PIGR: variants seen among roughly 807,000 people sequenced by gnomAD.
PIGR encodes the protein hepatocellular carcinoma associated protein TB6.
PIGR carries 22 observed loss-of-function variants against 69.5 expected under a neutral mutation model. That is an observed-to-expected ratio of 0.32 (90% confidence interval 0.23 to 0.45). PIGR has a LOEUF of 0.45. PIGR is among the 20% of genes least tolerant of loss of function. PIGR has a pLI of 1.00. For synonymous variants in PIGR, 413 were observed against 407.6 expected, an observed-to-expected ratio of 1.01 and a Z score of -0.16; for missense variants, 885 against 974.0, an observed-to-expected ratio of 0.91 and a Z score of 1.22.
At chr1:206,941,354 T>C (rs1250194878) in intron 1 of PIGR, among the ~76,000 whole-genome samples, 9 of 152,192 alleles carry the variant, frequency 5.9e-5, no homozygotes, top group Admixed American at 5.9e-4. Flanking sequence ...TCTCCACTAC[T>C]GTATCGCACC....
Position 206,937,374 on chromosome 1 carries a change from G to A in PIGR, c.766C>T (p.His256Tyr), listed in dbSNP as rs751643037. 2 of 1,613,928 alleles carry A rather than the reference G, an allele frequency of 1.2e-6. No individual in the cohort carries two copies. Among genetic ancestry groups the A allele is most frequent in the South Asian group, 1.1e-5 (1 of 91,072 alleles). ...YEDLRGSVTFHCALGPEVANV... is the reference protein window; with the variant it reads ...YEDLRGSVTFYCALGPEVANV... ...GCCACCTCAGGGCCCAGGGCACAGT[G>A]GAAGGTCACTGAGCCCCTCAGGTCT... Residue 256 changes from histidine (H) to tyrosine (Y), a missense_variant, in exon 4 of 11, where the codon CAC (histidine) becomes TAC (tyrosine). His to Tyr is a moderately conservative substitution (Grantham distance 83). Transcript: ENST00000356495.
At chr1:206,932,628 C>A in intron 7 of PIGR, 51 bp from the exon 8 acceptor site, 1 of 1,554,496 alleles carries the variant, frequency 6.4e-7, no homozygotes, top group South Asian at 1.2e-5. Flanking sequence ...TCTGGGGGCC[C>A]GACGATGTGC....
Position 206,934,491 on chromosome 1 carries a change from C to G in PIGR, c.1634G>C (p.Gly545Ala). 1 of 1,614,212 alleles carries G rather than the reference C, an allele frequency of 6.2e-7. No individual in the cohort carries two copies. Among genetic ancestry groups the G allele is most frequent in the Non-Finnish European group, 8.5e-7 (1 of 1,180,048 alleles). The change falls in exon 6 of 11, where the codon GGA becomes GCA. Residue 545 changes from glycine (G) to alanine (A), a missense_variant. Coordinates refer to ENST00000356495, the MANE Select transcript of PIGR (RefSeq NM_002644.4). ...TRADEGWYWCGVKQGHFYGET... is the reference protein window; with the variant it reads ...TRADEGWYWCAVKQGHFYGET... ...TCCATAGAAGTGGCCCTGCTTCACT[C>G]CACACCAGTACCAGCCCTCATCAGC... is the stretch of plus-strand genomic sequence containing the variant.
At chr1:206,940,771 T>C (rs1396330825) in intron 1 of PIGR, among the ~76,000 whole-genome samples, 187 bp from the exon 2 acceptor site, 2 of 152,224 alleles carry the variant, frequency 1.3e-5, no homozygotes, top group African/African-American at 4.8e-5. Flanking sequence ...CACTTGTATA[T>C]CCTTAATAGC....
chr1:206,940,731 A>G (rs1174825356), intron 1 of PIGR, 147 bp from the exon 2 acceptor site: 2 of 562,166 alleles, frequency 3.6e-6, no homozygotes, highest in South Asian at 4.9e-5. Flanking sequence ...CACTTTTTCC[A>G]TAACAATTCA....
In PIGR at chr1:206,930,004, A is replaced by T. The variant is rs974838947; in HGVS notation, c.*314T>A. On this transcript the variant is annotated 3_prime_UTR_variant, in exon 11 of 11. Transcript: ENST00000356495. The surrounding 1 kb of genome is among the most constrained non-coding windows in gnomAD (Gnocchi z 4.3). ...GGCGCTGCACGTCTCTCCTTTCTGC[A>T]ATCAGCTCTCCCACCCTGGTCCCTC... is the stretch of plus-strand genomic sequence containing the variant. 3 of 297,402 alleles carry T rather than the reference A, an allele frequency of 1.0e-5. No individual in the cohort carries two copies. Among genetic ancestry groups the T allele is most frequent in the African/African-American group, 6.5e-5 (3 of 46,302 alleles). The allele number at this position is 297,402 out of a possible 1,614,324, so 18.4% of individuals were successfully genotyped here.
chr1:206,934,855 AT>A, intron 5 of PIGR, 109 bp from the exon 6 acceptor site: 3 of 628,182 alleles, frequency 4.8e-6, no homozygotes, highest in Non-Finnish European at 7.5e-6. Context: ...ACATATATAT[AT>A]ATATTTTTGT....
In PIGR at chr1:206,930,333, G is replaced by T; in HGVS notation, c.2280C>A (p.Gly760=). 2 of 1,611,368 alleles carry T rather than the reference G, an allele frequency of 1.2e-6. No homozygotes were observed. Among genetic ancestry groups the T allele is most frequent in the Non-Finnish European group, 1.7e-6 (2 of 1,178,632 alleles). Reference sequence around the variant, plus strand: ...GCGACACCGTCTAGGCTTCCTGGGGGCCGTCCTGGGCCTCGGCGGCCACGG... The same window carrying T: ...GCGACACCGTCTAGGCTTCCTGGGGTCCGTCCTGGGCCTCGGCGGCCACGG... ...SSTVAAEAQD[G]PQEA The change falls in exon 11 of 11, where the codon GGC becomes GGA. Residue 760 remains glycine, a synonymous_variant. Coordinates refer to ENST00000356495, the MANE Select transcript of PIGR (RefSeq NM_002644.4). This position sits in a 1 kb window ranked among gnomAD's most constrained non-coding sequence, Gnocchi z 4.3.
intron 1 of PIGR, among the ~76,000 whole-genome samples, chr1:206,943,849 A>C (rs1429757788): frequency 2.0e-5 from 3 of 152,224 alleles, no homozygotes; most frequent in African/African-American, 4.8e-5. Flanking sequence ...ACGTACGCTG[A>C]GTCCTTTCCA....
chr1:206,933,861 T>A (rs145155547), intron 6 of PIGR, among the ~76,000 whole-genome samples: 1 of 151,964 alleles, frequency 6.6e-6, no homozygotes, highest in African/African-American at 2.4e-5. Context: ...AAGTGGCAAC[T>A]ATGGGACTTG....
intron 6 of PIGR, 124 bp from the exon 7 acceptor site, chr1:206,933,290 G>T: frequency 1.1e-6 from 1 of 883,332 alleles, no homozygotes; most frequent in Non-Finnish European, 1.7e-6. Flanking sequence ...CAAGGCTGTT[G>T]GGGTAGGACC....
Position 206,937,359 on chromosome 1 carries a change from G to T in PIGR, c.781C>A (p.Pro261Thr). Residue 261 changes from proline (P) to threonine (T), a missense_variant, in exon 4 of 11, where the codon CCT (proline) becomes ACT (threonine). Transcript: ENST00000356495. ...GSVTFHCALG[P>T]EVANVAKFLC... ...AATTTGGCCACGTTTGCCACCTCAG[G>T]GCCCAGGGCACAGTGGAAGGTCACT... The T allele has an allele frequency of 1.9e-6, 3 of 1,613,554 alleles. No individual in the cohort carries two copies. The highest frequency in any genetic ancestry group is 1.7e-6 in the Non-Finnish European group (2 of 1,179,624).
intron 8 of PIGR, 33 bp from the exon 9 acceptor site, chr1:206,931,835 C>T (rs1321387097): frequency 6.2e-7 from 1 of 1,613,424 alleles, no homozygotes; most frequent in East Asian, 2.2e-5. Context: ...GGTGTAAGGA[C>T]AGGGGCTGGG....
chr1:206,939,287 C>G lies in PIGR; in HGVS notation c.220G>C (p.Val74Leu), dbSNP rs138369670. Residue 74 changes from valine to leucine, a missense_variant, in exon 3 of 11, where the codon GTC (valine) becomes CTC (leucine). Coordinates refer to ENST00000356495, the MANE Select transcript of PIGR (RefSeq NM_002644.4). ...CITLISSEGY[V>L]SSKYAGRANL... ...GCCCTGCCTGCATATTTGCTGGAGACGTAGCCCTCCGAGGAGATGAGGGTT... is the reference window on the plus strand; with the variant it reads ...GCCCTGCCTGCATATTTGCTGGAGAGGTAGCCCTCCGAGGAGATGAGGGTT... The G allele has an allele frequency of 6.2e-7, 1 of 1,614,218 alleles. No homozygotes were observed. The highest frequency in any genetic ancestry group is 1.1e-5 in the South Asian group (1 of 91,082).
chr1:206,933,213 C>T, intron 6 of PIGR, 47 bp from the exon 7 acceptor site: 2 of 1,591,086 alleles, frequency 1.3e-6, no homozygotes, highest in Non-Finnish European at 1.7e-6. Flanking sequence ...TCTCTATGCT[C>T]TTACTCCTCG....
At position 206,933,180 on chromosome 1, in the gene PIGR, G is replaced by A; in HGVS notation, c.1706-14C>T. 4.3e-6 allele frequency: 7 copies of A among 1,613,308 alleles called. No individual in the cohort carries two copies. The highest frequency in any genetic ancestry group is 5.9e-6 in the Non-Finnish European group (7 of 1,179,516). Reference sequence around the variant, plus strand: ...CATCGCGGGACCCTGCAGCAGGGAAGAGTGGGCCTGGGTTGTGATTTTTCT... The same window carrying A: ...CATCGCGGGACCCTGCAGCAGGGAAAAGTGGGCCTGGGTTGTGATTTTTCT... On this transcript the variant is annotated splice_polypyrimidine_tract_variant and intron_variant, in intron 6 of 10. Coordinates refer to ENST00000356495, the MANE Select transcript of PIGR (RefSeq NM_002644.4).
chr1:206,944,193 G>C (rs1366914962), intron 1 of PIGR, among the ~76,000 whole-genome samples: 2 of 152,138 alleles, frequency 1.3e-5, no homozygotes, highest in African/African-American at 4.8e-5. Flanking sequence ...AGACACCTGG[G>C]GCCGGGCGTA....
chr1:206,943,062 G>C (rs916371438), intron 1 of PIGR, among the ~76,000 whole-genome samples: 2 of 152,140 alleles, frequency 1.3e-5, no homozygotes, highest in African/African-American at 2.4e-5. Flanking sequence ...TCCAAACCTG[G>C]GGATTCAAAT....
chr1:206,935,603 T>C lies in PIGR; in HGVS notation c.1261A>G (p.Asn421Asp). The C allele has an allele frequency of 6.2e-7, 1 of 1,614,202 alleles. No homozygotes were observed. Among genetic ancestry groups the C allele is most frequent in the Non-Finnish European group, 8.5e-7 (1 of 1,180,018 alleles). The change falls in exon 5 of 11, where the codon AAC becomes GAC. Residue 421 changes from asparagine (N) to aspartate (D), a missense_variant. Asn to Asp is a conservative substitution (Grantham distance 23, BLOSUM62 1). Coordinates refer to ENST00000356495, the MANE Select transcript of PIGR (RefSeq NM_002644.4). This position sits in a 1 kb window ranked among gnomAD's most constrained non-coding sequence, Gnocchi z 4.4. ...GRLSLLEEPGNGTFTVILNQL... is the reference protein window; with the variant it reads ...GRLSLLEEPGDGTFTVILNQL... ...TTGAGGATGACAGTGAAGGTGCCGT[T>C]GCCTGGCTCCTCCAGCAGGGAGAGG...
Sources: gnomAD v4.1 joint callset for allele counts (sites outside exome capture counted in the v4.1 genomes callset) on GRCh38, gnomAD v4.1.1 for gene constraint, Gnocchi (gnomAD v3.1) non-coding constraint, MANE v1.5 for transcripts, NCBI Gene and HGNC (gene_info 2026-07-23, HGNC 2026-07-21) for gene names.